Variants in POLM observed in about 807,000 individuals in gnomAD.
The protein encoded by POLM is DNA-directed DNA/RNA polymerase mu.
A neutral mutation model predicts 56.7 loss-of-function variants in POLM; 52 were observed. The ratio of observed to expected loss-of-function variants is 0.92; its 90% CI spans 0.73 to 1.15. The LOEUF (loss-of-function observed/expected upper bound fraction) is 1.15, where lower values mean the gene tolerates loss of function less well. POLM is among the 50% of genes most tolerant of loss of function. POLM has a pLI of 0.00. For missense variants in POLM, 660 were observed against 663.6 expected (o/e 0.99, Z 0.06); for synonymous variants, 273 against 274.3 (o/e 1.00, Z 0.05).
At chr7:44,078,895 G>A (rs2096191365) in intron 4 of POLM, 84 bp from the exon 5 acceptor site, 7 of 1,147,560 alleles carry the variant, frequency 6.1e-6, no homozygotes, top group Non-Finnish European at 8.8e-6. Flanking sequence ...AGGGCTGGGG[G>A]CCCAAGGACT....
At position 44,074,514 on chromosome 7, in the gene POLM, C is replaced by A; in HGVS notation, c.852G>T (p.Gln284His). ...QQQKAGLQHH[Q>H]DLSTPVLRSD... ...ACCGCAGGACTGGGGTGCTCAGGTC[C>A]TGGTGGTGCTGGAGCCCTGGGGGCA... is the stretch of plus-strand genomic sequence containing the variant. Residue 284 changes from glutamine to histidine, a missense_variant, in exon 7 of 11, where the codon CAG becomes CAT. Physicochemically the swap from Gln to His is conservative, Grantham distance 24. Coordinates refer to ENST00000242248, the MANE Select transcript of POLM (RefSeq NM_013284.4). 2 of 1,585,844 alleles carry A rather than the reference C, an allele frequency of 1.3e-6. No homozygotes were observed. The highest frequency in any genetic ancestry group is 2.3e-5 in the East Asian group (1 of 44,000).
chr7:44,082,111 G>C, intron 1 of POLM, 140 bp downstream of exon 1: 1 of 710,098 alleles, frequency 1.4e-6, no homozygotes, highest in Non-Finnish European at 2.1e-6. Context: ...AACACGCCTC[G>C]CCCTAATTAA....
chr7:44,082,087 C>T (rs1171682049), intron 1 of POLM, among the ~76,000 whole-genome samples, 164 bp downstream of exon 1: 1 of 152,214 alleles, frequency 6.6e-6, no homozygotes, highest in East Asian at 1.9e-4. Flanking sequence ...TTGATTCTCG[C>T]AGTGATCCTT....
Position 44,082,497 on chromosome 7 carries a change from G to A in POLM, c.-59C>T, listed in dbSNP as rs2096203325. On this transcript the variant is annotated 5_prime_UTR_variant, in exon 1 of 11. Coordinates refer to ENST00000242248, the MANE Select transcript of POLM (RefSeq NM_013284.4). Reference sequence around the variant, plus strand: ...GCAGAGGGAAACTCCGAGCGAGACGGAAGGAAGCCCCAGTGAGGCTGACGG... The same window carrying A: ...GCAGAGGGAAACTCCGAGCGAGACGAAAGGAAGCCCCAGTGAGGCTGACGG... 2.3e-6 allele frequency: 1 copy of A among 436,176 alleles called. No individual in the cohort carries two copies. The highest frequency in any genetic ancestry group is 3.0e-6 in the Non-Finnish European group (1 of 327,890). The allele number at this position is 436,176 out of a possible 1,614,324, so 27.0% of individuals were successfully genotyped here. A position where few individuals can be genotyped will look rare whatever the true frequency, so the allele number is the denominator to read the frequency against.
At chr7:44,082,215 C>T in intron 1 of POLM, 36 bp downstream of exon 1, 1 of 1,412,118 alleles carries the variant, frequency 7.1e-7, no homozygotes, top group Non-Finnish European at 9.2e-7. Flanking sequence ...ACCAGAAGTG[C>T]CATGGAAGCC....
chr7:44,073,063 C>A lies in POLM; in HGVS notation c.*228G>T. The A allele has an allele frequency of 7.0e-7, 1 of 1,435,410 alleles. No homozygotes were observed. Among genetic ancestry groups the A allele is most frequent in the South Asian group, 1.5e-5 (1 of 68,832 alleles). 88.9% of individuals were successfully genotyped at this position (1,435,410 alleles called of 1,614,324 possible). ...GGGAGGCTAAGAGCAGACCCAGGGTCACACAGTGATGAGGCTGGCACTGAG... is the reference window on the plus strand; with the variant it reads ...GGGAGGCTAAGAGCAGACCCAGGGTAACACAGTGATGAGGCTGGCACTGAG... On this transcript the variant is annotated 3_prime_UTR_variant, in exon 11 of 11. Coordinates refer to ENST00000242248, the MANE Select transcript of POLM (RefSeq NM_013284.4).
rs774748453 is a variant in POLM, at chr7:44,073,669, TCTC to T, written c.1351_1353del (p.Glu451del). ...CCATGGCTGTTCAGCCACAGGCCCT[TCTC>T]CTTCCGGCTGAAGCGGCGCAGCTCC... is the stretch of plus-strand genomic sequence containing the variant. On this transcript the variant is annotated inframe_deletion, in exon 10 of 11. Coordinates refer to ENST00000242248, the MANE Select transcript of POLM (RefSeq NM_013284.4). 1.1e-5 allele frequency: 18 copies of T among 1,614,012 alleles called. No homozygotes were observed. Among genetic ancestry groups the T allele is most frequent in the Non-Finnish European group, 1.4e-5 (17 of 1,180,022 alleles).
In POLM at chr7:44,073,201, T is replaced by G; in HGVS notation, c.*90A>C. 1 of 1,602,254 alleles carries G rather than the reference T, an allele frequency of 6.2e-7. No individual in the cohort carries two copies. On this transcript the variant is annotated 3_prime_UTR_variant, in exon 11 of 11. Coordinates refer to ENST00000242248, the MANE Select transcript of POLM (RefSeq NM_013284.4). Reference sequence around the variant, plus strand: ...TGGCGGGGAGGGGTGAAGGTGGGGGTCAGGGGGCAGCATATCTGCCTGGAG... The same window carrying G: ...TGGCGGGGAGGGGTGAAGGTGGGGGGCAGGGGGCAGCATATCTGCCTGGAG...
chr7:44,076,130 A>T (rs2096182832), intron 6 of POLM: 1 of 167,928 alleles, frequency 6.0e-6, no homozygotes, highest in African/African-American at 2.4e-5. Context: ...GATAAGACTC[A>T]AACCCAGGCC....
At chr7:44,082,226 C>T (rs2096202080) in intron 1 of POLM, 25 bp downstream of exon 1, 2 of 1,425,690 alleles carry the variant, frequency 1.4e-6, no homozygotes, top group African/African-American at 1.5e-5. Context: ...CATGGAAGCC[C>T]TCGCCGCGCC....
intron 4 of POLM, among the ~76,000 whole-genome samples, chr7:44,079,323 G>C (rs1273991623): frequency 1.3e-5 from 2 of 152,144 alleles, no homozygotes; most frequent in Non-Finnish European, 1.5e-5. Context: ...AATGACAACA[G>C]TGTCACCCCT....
intron 10 of POLM, 123 bp downstream of exon 10, chr7:44,073,502 G>T: frequency 1.3e-6 from 2 of 1,587,626 alleles, no homozygotes; most frequent in Non-Finnish European, 1.7e-6. Context: ...CAGGAACTGT[G>T]TGTGGAGACC....
Position 44,082,413 on chromosome 7 carries a change from C to A in POLM, c.26G>T (p.Arg9Leu). 4.8e-6 allele frequency: 7 copies of A among 1,466,986 alleles called. No homozygotes were observed. Among genetic ancestry groups the A allele is most frequent in the Non-Finnish European group, 6.3e-6 (7 of 1,118,496 alleles). The allele number at this position is 1,466,986 out of a possible 1,614,324, so 90.9% of individuals were successfully genotyped here. Residue 9 changes from arginine to leucine, a missense_variant, in exon 1 of 11, where the codon CGG (arginine) becomes CTG (leucine). Coordinates refer to ENST00000242248, the MANE Select transcript of POLM (RefSeq NM_013284.4). ...GGCATCGCCGCTAGGGGACCCGACC[C>A]GCGCTCGCCGCCGTTTGGGGAGCAT... MLPKRRRA[R>L]VGSPSGDAAS...
chr7:44,074,629 T>C (rs1373356060), intron 6 of POLM, 99 bp from the exon 7 acceptor site: 9 of 1,376,808 alleles, frequency 6.5e-6, no homozygotes, highest in South Asian at 3.1e-5. Flanking sequence ...GGCCCCGTCA[T>C]TGCAGGACCA....
At chr7:44,080,533 G>C in intron 2 of POLM, 200 bp downstream of exon 2, 1 of 703,740 alleles carries the variant, frequency 1.4e-6, no homozygotes, top group East Asian at 2.7e-5. Flanking sequence ...CAGAAGCTGA[G>C]ATGGCCTGGC....
Position 44,074,349 on chromosome 7 carries a change from T to A in POLM, c.968+49A>T, listed in dbSNP as rs368159219. ...GGGTCCCCGACTCAGGTCCCTTCAC[T>A]GGGGAGGGGTCTGAAGCCAAGCCAG... On this transcript the variant is annotated intron_variant, in intron 7 of 10. Coordinates refer to ENST00000242248, the MANE Select transcript of POLM (RefSeq NM_013284.4). 1,110 of 1,549,186 alleles carry A rather than the reference T, an allele frequency of 7.2e-4. 3 individuals are homozygous for A. Among genetic ancestry groups the A allele is most frequent in the Non-Finnish European group, 9.1e-4 (1,046 of 1,145,768 alleles).
In POLM at chr7:44,079,862, G is replaced by A; in HGVS notation, c.470C>T (p.Ser157Phe). The change falls in exon 3 of 11, where the codon TCC becomes TTC. Residue 157 changes from serine to phenylalanine, a missense_variant and splice_region_variant. Physicochemically the swap from Ser to Phe is radical, Grantham distance 155. Coordinates refer to ENST00000242248, the MANE Select transcript of POLM (RefSeq NM_013284.4). ...TPLTHHNTGL[S>F]EALEILAEAA... Reference sequence around the variant, plus strand: ...CCAAGGCTCATAGAAGCGGCTTACGGAGAGGCCAGTGTTGTGGTGTGTGAG... The same window carrying A: ...CCAAGGCTCATAGAAGCGGCTTACGAAGAGGCCAGTGTTGTGGTGTGTGAG... The A allele has an allele frequency of 6.2e-7, 1 of 1,614,054 alleles. No individual in the cohort carries two copies. Among genetic ancestry groups the A allele is most frequent in the Non-Finnish European group, 8.5e-7 (1 of 1,179,910 alleles).
Position 44,078,509 on chromosome 7 carries a change from G to A in POLM, c.714+231C>T, listed in dbSNP as rs1023114134. 1.2e-4 allele frequency: 68 copies of A among 563,418 alleles called. 2 individuals are homozygous for A. In the Middle Eastern group the frequency reaches 1.9e-3, roughly 16 times the overall value. The allele number at this position is 563,418 out of a possible 1,614,324, so 34.9% of individuals were successfully genotyped here. On this transcript the variant is annotated intron_variant, in intron 5 of 10. Transcript: ENST00000242248. ...AAAGCCCCAAAAGCCAGATGGTGCTGAGTGATCTAGAAAATTCTGTCCTCA... is the reference window on the plus strand; with the variant it reads ...AAAGCCCCAAAAGCCAGATGGTGCTAAGTGATCTAGAAAATTCTGTCCTCA...
At chr7:44,082,200 C>T in intron 1 of POLM, 51 bp downstream of exon 1, 1 of 1,392,646 alleles carries the variant, frequency 7.2e-7, no homozygotes, top group Non-Finnish European at 9.3e-7. Flanking sequence ...AACTTAGAAT[C>T]CAAAACCAGA....
Sources: allele counts gnomAD v4.1 joint callset (sites outside exome capture counted in the v4.1 genomes callset), GRCh38; gene constraint gnomAD v4.1.1; transcripts MANE v1.5; gene names NCBI Gene and HGNC (gene_info 2026-07-23, HGNC 2026-07-21).